GSTM2: variants seen among roughly 807,000 people sequenced by gnomAD.
GSTM2 encodes the protein GST class-mu 2.
Under a neutral mutation model 33.3 loss-of-function variants are expected in GSTM2, and 33 were observed. The ratio of observed to expected loss-of-function variants is 0.99; its 90% confidence interval spans 0.75 to 1.33. The LOEUF (loss-of-function observed/expected upper bound fraction) is 1.33, where lower values mean the gene tolerates loss of function less well. GSTM2 is among the 40% of genes most tolerant of loss of function. The pLI, the probability that GSTM2 is intolerant of heterozygous loss-of-function variation, is 0.00. For missense variants in GSTM2, 213 were observed against 265.8 expected, an observed-to-expected ratio of 0.80 and a Z score of 1.38; for synonymous variants, 93 against 95.6, an observed-to-expected ratio of 0.97 and a Z score of 0.16.
chr1:109,669,176 A>G lies in GSTM2; in HGVS notation c.178-114A>G, dbSNP rs1414368039. 6.7e-6 allele frequency: 9 copies of G among 1,333,828 alleles called. No homozygotes were observed. The African/African-American group carries it at 1.0e-4, about 15-fold the overall frequency. 82.6% of individuals were successfully genotyped at this position (1,333,828 alleles called of 1,614,324 possible). A position where few individuals can be genotyped will look rare whatever the true frequency, so the allele number is the denominator to read the frequency against. ...CATTTATTAGTGTGACAGTATTTCT[A>G]TCTCAGGCCTGCCATGAGCAGGCCC... is the stretch of plus-strand genomic sequence containing the variant. On this transcript the variant is annotated intron_variant, in intron 3 of 7. Transcript: ENST00000241337.
chr1:109,678,885 T>C (rs1189636365), downstream of GSTM2, among the ~76,000 whole-genome samples: 1 of 152,202 alleles, frequency 6.6e-6, no homozygotes, highest in African/African-American at 2.4e-5. Flanking sequence ...TCTTATGCTA[T>C]GGCATGTGTA....
Position 109,673,321 on chromosome 1 carries a change from G to T in GSTM2, c.568-1426G>T, listed in dbSNP as rs141823744. 9,702 of 1,564,912 alleles carry T rather than the reference G, an allele frequency of 6.2e-3. 307 individuals are homozygous for T. The African/African-American group carries it at 0.087, about 14-fold the overall frequency. On this transcript the variant is annotated intron_variant, in intron 7 of 7. Transcript: ENST00000241337. ...ATGCATAGATGACAGCCCCATCCTGGAAATGAGTGCAGTGAGAGGCCTGCA... is the reference window on the plus strand; with the variant it reads ...ATGCATAGATGACAGCCCCATCCTGTAAATGAGTGCAGTGAGAGGCCTGCA...
In GSTM2 at chr1:109,669,593, C is replaced by A. The variant is rs185571650; in HGVS notation, c.360+22C>A. On this transcript the variant is annotated intron_variant, in intron 5 of 7. Transcript: ENST00000241337. ...TTTTGTAAGTCCCCCCACCCCACTC[C>A]CAGTCTCCCCTTCCCTACTCCCAGT... The A allele has an allele frequency of 2.4e-3, 3,345 of 1,420,154 alleles. 10 individuals are homozygous for A. Among genetic ancestry groups the A allele is most frequent in the South Asian group, 3.9e-3 (340 of 86,276 alleles). The allele number at this position is 1,420,154 out of a possible 1,614,324, so 88.0% of individuals were successfully genotyped here.
chr1:109,674,355 G>A (rs1647645200), intron 7 of GSTM2, among the ~76,000 whole-genome samples: 1 of 152,148 alleles, frequency 6.6e-6, no homozygotes, highest in Non-Finnish European at 1.5e-5. Context: ...CTACATTGAA[G>A]TTCTATTCCC....
Position 109,668,165 on chromosome 1 carries a change from C to T in GSTM2, c.36+14C>T. 6.2e-7 allele frequency: 1 copy of T among 1,607,460 alleles called. No individual in the cohort carries two copies. The highest frequency in any genetic ancestry group is 8.5e-7 in the Non-Finnish European group (1 of 1,174,638). ...AACATCCGCGGGGTGAGCCAGGGTC[C>T]GCTGGGCGGTGGGACGGGGGTGCGT... On this transcript the variant is annotated intron_variant, in intron 1 of 7. Transcript: ENST00000241337.
intron 5 of GSTM2, chr1:109,670,103 A>AGGGGGGATGGGGGGGTGGCCTCCTTTT: frequency 1.2e-5 from 1 of 86,540 alleles, no homozygotes; most frequent in Non-Finnish European, 2.2e-5. Context: ...GTGGGGGGGG[A>AGGGGGGATGGGGGGGTGGCCTCCTTTT]AATCCCTTAT....
downstream of GSTM2, among the ~76,000 whole-genome samples, chr1:109,677,493 C>T (rs184961462): frequency 2.0e-4 from 31 of 152,302 alleles, no homozygotes; most frequent in East Asian, 4.8e-3. Flanking sequence ...CATGCTAACG[C>T]TATGTGCAAA....
chr1:109,669,584 A>ACCCCACTCCCAGTCTCCCCTT lies in GSTM2; in HGVS notation c.360+17_360+37dup, dbSNP rs745912372. The ACCCCACTCCCAGTCTCCCCTT allele has an allele frequency of 3.9e-4, 589 of 1,517,760 alleles. 1 individual carries two copies. The African/African-American group carries it at 7.1e-3, about 18-fold the overall frequency. The allele number at this position is 1,517,760 out of a possible 1,614,324, so 94.0% of individuals were successfully genotyped here. On this transcript the variant is annotated intron_variant, in intron 5 of 7. Coordinates refer to ENST00000241337, the MANE Select transcript of GSTM2 (RefSeq NM_000848.4). ...TGACCCAGATTTTGTAAGTCCCCCCACCCCACTCCCAGTCTCCCCTTCCCT... is the reference window on the plus strand; with the variant it reads ...TGACCCAGATTTTGTAAGTCCCCCCACCCCACTCCCAGTCTCCCCTTCCCCACTCCCAGTCTCCCCTTCCCT...
Position 109,669,511 on chromosome 1 carries a change from G to A in GSTM2, c.300G>A (p.Leu100=). 6.2e-7 allele frequency: 1 copy of A among 1,613,966 alleles called. No homozygotes were observed. The highest frequency in any genetic ancestry group is 8.5e-7 in the Non-Finnish European group (1 of 1,179,904). ...AGGAGCAGATTCGCGAAGACATTTT[G>A]GAGAACCAGTTTATGGACAGCCGTA... ...SEKEQIREDI[L]ENQFMDSRMQ... Residue 100 remains leucine, a synonymous_variant, in exon 5 of 8, where the codon TTG becomes TTA. Transcript: ENST00000241337.
downstream of GSTM2, among the ~76,000 whole-genome samples, chr1:109,679,065 ATAACT>A (rs1269497975): frequency 6.6e-6 from 1 of 152,204 alleles, no homozygotes; most frequent in Non-Finnish European, 1.5e-5. Flanking sequence ...TCCAGAGACA[ATAACT>A]TAATTTATGG....
chr1:109,669,213 T>G, intron 3 of GSTM2, 77 bp from the exon 4 acceptor site: 4 of 1,519,008 alleles, frequency 2.6e-6, no homozygotes, highest in South Asian at 1.1e-5. Flanking sequence ...GGTCTCCTCT[T>G]TGCCCTTGCA....
At chr1:109,673,220 T>C (rs1647609865) in intron 7 of GSTM2, 2 of 1,612,136 alleles carry the variant, frequency 1.2e-6, no homozygotes, top group South Asian at 1.1e-5. Context: ...CCCTGTGAGA[T>C]GAGTAGCACG....
chr1:109,670,204 T>C (rs1647484338), intron 5 of GSTM2: 1 of 144,958 alleles, frequency 6.9e-6, no homozygotes, highest in Admixed American at 7.0e-5. Flanking sequence ...TACAGAGTGC[T>C]GATTGGTCTG....
At chr1:109,668,530 C>T in intron 2 of GSTM2, 30 bp downstream of exon 2, 1 of 1,611,328 alleles carries the variant, frequency 6.2e-7, no homozygotes, top group Non-Finnish European at 8.5e-7. Flanking sequence ...TGGGCCCTGC[C>T]CCCTCACACT....
chr1:109,676,483 C>T (rs1647707384), downstream of GSTM2, among the ~76,000 whole-genome samples: 1 of 152,208 alleles, frequency 6.6e-6, no homozygotes, highest in African/African-American at 2.4e-5. Context: ...TCCCGAGTAG[C>T]TGGGACTACA....
rs115506091 is a variant in GSTM2 at position 109,668,164 on chromosome 1, C to T, written c.36+13C>T. On this transcript the variant is annotated intron_variant, in intron 1 of 7. Coordinates refer to ENST00000241337, the MANE Select transcript of GSTM2 (RefSeq NM_000848.4). ...GAACATCCGCGGGGTGAGCCAGGGT[C>T]CGCTGGGCGGTGGGACGGGGGTGCG... The T allele has an allele frequency of 2.6e-3, 4,188 of 1,611,392 alleles. 99 individuals are homozygous for T. In the African/African-American group the frequency reaches 0.05, roughly 19 times the overall value.
downstream of GSTM2, among the ~76,000 whole-genome samples, chr1:109,679,221 A>C (rs1188567382): frequency 6.6e-6 from 1 of 151,872 alleles, no homozygotes; most frequent in Admixed American, 6.6e-5. Context: ...CTGTATTCCC[A>C]GCACTTTGGG....
chr1:109,672,826 A>T (rs890219345), intron 7 of GSTM2, among the ~76,000 whole-genome samples: 5 of 149,822 alleles, frequency 3.3e-5, no homozygotes, highest in African/African-American at 9.8e-5. Context: ...GAAGGAGCTT[A>T]TGCTGAAATG....
chr1:109,671,589 GCC>G lies in GSTM2; in HGVS notation c.567+10_567+11del. On this transcript the variant is annotated splice_region_variant and intron_variant, in intron 7 of 7. Coordinates refer to ENST00000241337, the MANE Select transcript of GSTM2 (RefSeq NM_000848.4). ...ACTTCATCTCCCGATTTGAGGTGAT[GCC>G]CCCAGCCTCCTTTCTCTTTATGTCT... 1 of 1,430,586 alleles carries G rather than the reference GCC, an allele frequency of 7.0e-7. No homozygotes were observed. Among genetic ancestry groups the G allele is most frequent in the Non-Finnish European group, 9.9e-7 (1 of 1,012,500 alleles). The allele number at this position is 1,430,586 out of a possible 1,614,324, so 88.6% of individuals were successfully genotyped here.
Sources: allele counts gnomAD v4.1 joint callset (sites outside exome capture counted in the v4.1 genomes callset), GRCh38; gene constraint gnomAD v4.1.1; transcripts MANE v1.5; gene names NCBI Gene and HGNC (gene_info 2026-07-23, HGNC 2026-07-21).